The following SIK3 variants were observed in gnomAD, a reference collection of about 807,000 sequenced individuals.
SIK3 encodes serine/threonine-protein kinase SIK3.
Under a neutral mutation model 144.2 loss-of-function variants are expected in SIK3, and 28 were observed. That is an observed-to-expected ratio of 0.19 (90% CI 0.14 to 0.27). The LOEUF (loss-of-function observed/expected upper bound fraction) is 0.27. SIK3 is among the 10% of genes least tolerant of loss of function. The pLI, the probability that SIK3 is intolerant of heterozygous loss-of-function variation, is 1.00. For missense variants in SIK3, 1,319 were observed against 1,776.0 expected, an observed-to-expected ratio of 0.74 and a Z score of 4.62; for synonymous variants, 686 against 676.3, an observed-to-expected ratio of 1.01 and a Z score of -0.22.
At chr11:116,882,688 T>G (rs1944608780) in intron 6 of SIK3, among the ~76,000 whole-genome samples, 2 of 152,110 alleles carry the variant, frequency 1.3e-5, no homozygotes, top group Admixed American at 1.3e-4. Flanking sequence ...TGCTTACAGG[T>G]GCTCAGAAGA....
intron 5 of SIK3, 89 bp downstream of exon 5, chr11:116,897,104 G>T: frequency 7.7e-7 from 1 of 1,306,512 alleles, no homozygotes; most frequent in Non-Finnish European, 1.0e-6. Flanking sequence ...AATTCATGTT[G>T]CATCATTATG....
chr11:116,884,350 CTTTT>C (rs71037434), intron 6 of SIK3, among the ~76,000 whole-genome samples: 2 of 128,206 alleles, frequency 1.6e-5, no homozygotes, highest in Non-Finnish European at 1.6e-5. Context: ...CCACATCTGG[CTTTT>C]TTTTTTTTTT....
intron 22 of SIK3, among the ~76,000 whole-genome samples, chr11:116,848,215 C>T (rs1472026172): frequency 4.9e-4 from 61 of 125,728 alleles, no homozygotes; most frequent in African/African-American, 1.8e-3. Context: ...AAAAGGGTGG[C>T]GGGCGCCTGT....
intron 1 of SIK3, among the ~76,000 whole-genome samples, chr11:116,984,137 G>A (rs1006778194): frequency 6.6e-6 from 1 of 151,568 alleles, no homozygotes; most frequent in Non-Finnish European, 1.5e-5. Flanking sequence ...AAAGGGATCT[G>A]TAAACCACTG....
At chr11:117,041,824 T>C (rs1952753491) in intron 1 of SIK3, among the ~76,000 whole-genome samples, 1 of 152,234 alleles carries the variant, frequency 6.6e-6, no homozygotes, top group Admixed American at 6.5e-5. Flanking sequence ...CTGATTTCCT[T>C]GTCCAAAGAT....
chr11:117,075,145 A>G (rs1167558348), intron 1 of SIK3, among the ~76,000 whole-genome samples: 2 of 152,232 alleles, frequency 1.3e-5, no homozygotes, highest in Non-Finnish European at 1.5e-5. Flanking sequence ...CTCAAGACAT[A>G]TAAGACACAG....
intron 1 of SIK3, among the ~76,000 whole-genome samples, chr11:117,071,926 GTGTT>G (rs36145559): frequency 6.6e-5 from 10 of 150,550 alleles, no homozygotes; most frequent in East Asian, 2.0e-4. Flanking sequence ...GCCAAGAGTT[GTGTT>G]TGTTTGTTTG....
At chr11:117,037,238 T>G (rs1952544625) in intron 1 of SIK3, among the ~76,000 whole-genome samples, 1 of 152,162 alleles carries the variant, frequency 6.6e-6, no homozygotes, top group Non-Finnish European at 1.5e-5. Flanking sequence ...TCTAAAAGAT[T>G]CTGAGAGTTA....
At chr11:117,076,727 G>C (rs2136029251) in intron 1 of SIK3, among the ~76,000 whole-genome samples, 2 of 152,176 alleles carry the variant, frequency 1.3e-5, no homozygotes, top group East Asian at 3.9e-4. Flanking sequence ...ATTTTTAGTA[G>C]AGACGGGGTT....
At chr11:116,965,570 T>C (rs1381388203) in intron 1 of SIK3, among the ~76,000 whole-genome samples, 3 of 150,766 alleles carry the variant, frequency 2.0e-5, no homozygotes, top group Non-Finnish European at 4.4e-5. Context: ...TAAGGAGCTG[T>C]TGAAAAGGAT....
At chr11:116,936,980 T>C (rs1170534179) in intron 3 of SIK3, among the ~76,000 whole-genome samples, 1 of 152,246 alleles carries the variant, frequency 6.6e-6, no homozygotes, top group South Asian at 2.1e-4. Flanking sequence ...GTCATTTCTC[T>C]GAAGCTAACC....
At chr11:116,958,350 G>A (rs1308674122) in intron 1 of SIK3, among the ~76,000 whole-genome samples, 1 of 152,172 alleles carries the variant, frequency 6.6e-6, no homozygotes, top group Non-Finnish European at 1.5e-5. Context: ...GTTAAAATGA[G>A]GACCCACGGG....
chr11:116,952,196 G>GT (rs1948966831), intron 3 of SIK3, among the ~76,000 whole-genome samples: 1 of 152,016 alleles, frequency 6.6e-6, no homozygotes, highest in Non-Finnish European at 1.5e-5. Context: ...TTGTAAAAAG[G>GT]TATCTTCCAG....
At chr11:116,869,748 T>C in intron 14 of SIK3, 1 of 235,146 alleles carries the variant, frequency 4.3e-6, no homozygotes. Context: ...TCACTGCCGT[T>C]CTCTGTGAGT....
rs1289686036 is a variant in SIK3 at position 116,947,216 on chromosome 11, A to AATATATAATTATTTATATATTTT, written c.454+6805_454+6827dup. On this transcript the variant is annotated intron_variant, in intron 3 of 24. Transcript: ENST00000445177. ...TATATACAAATTATTATTTATATAC[A>AATATATAATTATTTATATATTTT]ATATATAATTATTTATATATTTTAT... Among the ~76,000 whole-genome samples, 24 of 135,414 alleles carry AATATATAATTATTTATATATTTT rather than the reference A, an allele frequency of 1.8e-4. 1 individual carries two copies. The South Asian group carries it at 4.5e-3, about 25-fold the overall frequency. The allele number at this position is 135,414 out of a possible 152,430, so 88.8% of individuals were successfully genotyped here. A position where few individuals can be genotyped will look rare whatever the true frequency, so the allele number is the denominator to read the frequency against.
chr11:116,996,528 A>T (rs751699329), intron 1 of SIK3, among the ~76,000 whole-genome samples: 1 of 152,108 alleles, frequency 6.6e-6, no homozygotes, highest in African/African-American at 2.4e-5. Flanking sequence ...TAAAAATATG[A>T]CAGTTCTCAG....
chr11:116,941,365 G>A (rs1281253968), intron 3 of SIK3, among the ~76,000 whole-genome samples: 1 of 149,758 alleles, frequency 6.7e-6, no homozygotes, highest in South Asian at 2.1e-4. Context: ...TGGTAGTTTA[G>A]TTGTGAAGAC....
At chr11:116,902,201 G>A (rs141023293) in intron 4 of SIK3, among the ~76,000 whole-genome samples, 2,219 of 152,260 alleles carry the variant, frequency 0.015, 23 homozygotes, top group Middle Eastern at 0.065. Context: ...GTTTTCAATG[G>A]AGCATGCAAC....
chr11:116,963,482 C>G (rs1032262477), intron 1 of SIK3, among the ~76,000 whole-genome samples: 54 of 152,186 alleles, frequency 3.5e-4, no homozygotes, highest in African/African-American at 1.2e-3. Context: ...AGAGCAATTG[C>G]AGCATCATAC....
Sources: gnomAD v4.1 joint callset for allele counts (sites outside exome capture counted in the v4.1 genomes callset) on GRCh38, gnomAD v4.1.1 for gene constraint, MANE v1.5 for transcripts, NCBI Gene and HGNC (gene_info 2026-07-23, HGNC 2026-07-21) for gene names.